TNR: variants seen among roughly 807,000 people sequenced by gnomAD.
TNR encodes the protein tenascin-R.
Under a neutral mutation model 150.4 loss-of-function variants are expected in TNR, and 45 were observed. The ratio of observed to expected loss-of-function variants is 0.30; its 90% CI spans 0.24 to 0.38. The LOEUF (loss-of-function observed/expected upper bound fraction) is 0.38. TNR is among the 10% of genes least tolerant of loss of function. TNR has a pLI of 1.00. For synonymous variants in TNR, 687 were observed against 678.4 expected (o/e 1.01, Z -0.20); for missense variants, 1,544 against 1,759.1 (o/e 0.88, Z 2.19).
chr1:175,678,615 C>T (rs1665938071), intron 1 of TNR, among the ~76,000 whole-genome samples: 1 of 152,200 alleles, frequency 6.6e-6, no homozygotes, highest in African/African-American at 2.4e-5. Context: ...GTCCAGGGAG[C>T]TGTATCTGGG....
At chr1:175,723,673 G>A (rs1034321763) in intron 1 of TNR, among the ~76,000 whole-genome samples, 1 of 152,122 alleles carries the variant, frequency 6.6e-6, no homozygotes, top group African/African-American at 2.4e-5. Context: ...GGGATTCGAG[G>A]CCAGCCTGGC....
Position 175,356,403 on chromosome 1 carries a change from G to A in TNR, c.3034C>T (p.Leu1012Phe), listed in dbSNP as rs777066098. ...VSEEFRLVDL[L>F]PSTHYTATMY... ...GTGGCAGTATAGTGGGTGCTAGGAA[G>A]CAGGTCAACAAGCCGAAATTCCTCA... The change falls in exon 16 of 23, where the codon CTT becomes TTT. Residue 1012 changes from leucine to phenylalanine, a missense_variant. Physicochemically the swap from Leu to Phe is conservative, Grantham distance 22. This residue lies in a region of TNR where 1,254 missense variants were observed against 1,329.4 expected (regional missense o/e 0.94). Coordinates refer to ENST00000367674, the MANE Select transcript of TNR (RefSeq NM_003285.3). 11 of 1,614,040 alleles carry A rather than the reference G, an allele frequency of 6.8e-6. No individual in the cohort carries two copies. In the South Asian group the frequency reaches 1.1e-4, roughly 16 times the overall value.
chr1:175,349,310 T>G (rs1173881211), intron 18 of TNR, among the ~76,000 whole-genome samples: 1 of 152,206 alleles, frequency 6.6e-6, no homozygotes, highest in Non-Finnish European at 1.5e-5. Context: ...CAGCACCATT[T>G]GTGGTGGTGG....
chr1:175,437,392 A>T (rs1194357089), intron 2 of TNR, among the ~76,000 whole-genome samples: 1 of 152,242 alleles, frequency 6.6e-6, no homozygotes, highest in Non-Finnish European at 1.5e-5. Context: ...GTAGAGGGAA[A>T]TTTACAGCAC....
intron 1 of TNR, among the ~76,000 whole-genome samples, chr1:175,697,916 C>CA (rs1666581288): frequency 6.6e-6 from 1 of 152,218 alleles, no homozygotes; most frequent in Admixed American, 6.5e-5. Flanking sequence ...GCTTCATGTT[C>CA]ATGGAAGGAG....
At chr1:175,729,656 C>T (rs1390348984) in intron 1 of TNR, among the ~76,000 whole-genome samples, 1 of 152,160 alleles carries the variant, frequency 6.6e-6, no homozygotes, top group Non-Finnish European at 1.5e-5. Flanking sequence ...CTCTCATTCT[C>T]ACTAAACAAT....
intron 1 of TNR, among the ~76,000 whole-genome samples, chr1:175,603,628 C>T (rs1373751401): frequency 6.6e-6 from 1 of 152,220 alleles, no homozygotes; most frequent in Non-Finnish European, 1.5e-5. Flanking sequence ...TGCTCACATA[C>T]CCCACGTCTT....
chr1:175,330,480 C>T (rs918846238), intron 20 of TNR: 1 of 353,264 alleles, frequency 2.8e-6, no homozygotes, highest in African/African-American at 2.1e-5. Context: ...GGTTCTAATA[C>T]CTCCTCTTGA....
chr1:175,406,490 C>T lies in TNR; in HGVS notation c.225G>A (p.Leu75=). ...CTAGCCCTGAGGAGCAGAGGTTGTC[C>T]AAGGGCACGTTAATGTTGTACACGT... is the stretch of plus-strand genomic sequence containing the variant. ...FNHVYNINVP[L]DNLCSSGLEA... Residue 75 remains leucine, a synonymous_variant, in exon 3 of 23, where the codon TTG becomes TTA. Transcript: ENST00000367674. 4 of 1,614,154 alleles carry T rather than the reference C, an allele frequency of 2.5e-6. No individual in the cohort carries two copies. The highest frequency in any genetic ancestry group is 1.6e-4 in the Middle Eastern group (1 of 6,062).
chr1:175,724,651 A>T (rs890196104), intron 1 of TNR, among the ~76,000 whole-genome samples: 1 of 152,174 alleles, frequency 6.6e-6, no homozygotes, highest in African/African-American at 2.4e-5. Flanking sequence ...GATTAAATTT[A>T]ATGTTTATGT....
At chr1:175,582,981 A>T (rs933888884) in intron 1 of TNR, among the ~76,000 whole-genome samples, 1 of 151,534 alleles carries the variant, frequency 6.6e-6, no homozygotes, top group African/African-American at 2.4e-5. Context: ...AGCCCCCCCA[A>T]CCCCCGAGAT....
Position 175,397,927 on chromosome 1 carries a change from G to A in TNR, c.977-1120C>T, listed in dbSNP as rs142166254. 2.5e-3 allele frequency among the ~76,000 whole-genome samples: 379 copies of A among 152,306 alleles called. 1 individual carries two copies. Among genetic ancestry groups the A allele is most frequent in the Non-Finnish European group, 4.3e-3 (291 of 68,024 alleles). On this transcript the variant is annotated intron_variant, in intron 4 of 22. Coordinates refer to ENST00000367674, the MANE Select transcript of TNR (RefSeq NM_003285.3). ...GTGTCTGTAATTAGACCTGCCCATAGATTAAATCAAAGATCAAGCCGATAT... is the reference window on the plus strand; with the variant it reads ...GTGTCTGTAATTAGACCTGCCCATAAATTAAATCAAAGATCAAGCCGATAT...
chr1:175,376,712 T>G (rs528640070), intron 9 of TNR, among the ~76,000 whole-genome samples: 1 of 152,158 alleles, frequency 6.6e-6, no homozygotes. Context: ...CCAACAATCC[T>G]TGCAACTAGC....
intron 1 of TNR, among the ~76,000 whole-genome samples, chr1:175,658,891 G>A (rs186281405): frequency 6.6e-6 from 1 of 152,332 alleles, no homozygotes; most frequent in African/African-American, 2.4e-5. Flanking sequence ...CACTGACTAT[G>A]CACAAGCTGC....
intron 2 of TNR, among the ~76,000 whole-genome samples, chr1:175,453,833 A>G (rs1291050102): frequency 6.6e-6 from 1 of 152,160 alleles, no homozygotes; most frequent in African/African-American, 2.4e-5. Context: ...TTGGCCTCTC[A>G]AAGTGCTGGT....
intron 2 of TNR, among the ~76,000 whole-genome samples, chr1:175,491,230 G>T (rs192469104): frequency 1.4e-3 from 207 of 152,232 alleles, no homozygotes; most frequent in African/African-American, 4.8e-3. Flanking sequence ...GGGGAGCTTG[G>T]GGGAGGGAGA....
intron 9 of TNR, among the ~76,000 whole-genome samples, chr1:175,374,497 C>T (rs1018555272): frequency 1.3e-5 from 2 of 152,050 alleles, no homozygotes; most frequent in Non-Finnish European, 1.5e-5. Flanking sequence ...TGTGAGTGTG[C>T]ATATGTGCTT....
At chr1:175,457,311 G>T (rs1656611365) in intron 2 of TNR, among the ~76,000 whole-genome samples, 1 of 152,204 alleles carries the variant, frequency 6.6e-6, no homozygotes, top group South Asian at 2.1e-4. Flanking sequence ...GTTGGGAGGG[G>T]CTCCATTCCA....
At chr1:175,416,746 C>T (rs1043014122) in intron 2 of TNR, among the ~76,000 whole-genome samples, 16 of 152,246 alleles carry the variant, frequency 1.1e-4, no homozygotes, top group Admixed American at 2.0e-4. Context: ...CGGTGGCTCA[C>T]GCCTGTAATC....
Sources: gnomAD v4.1 joint callset for allele counts (sites outside exome capture counted in the v4.1 genomes callset) on GRCh38, gnomAD v4.1.1 for gene constraint, gnomAD v4.1.1 regional missense constraint, MANE v1.5 for transcripts, NCBI Gene and HGNC (gene_info 2026-07-23, HGNC 2026-07-21) for gene names.